GNG7: variants seen among roughly 807,000 people sequenced by gnomAD.
GNG7 encodes guanine nucleotide-binding protein G(I)/G(S)/G(O) subunit gamma-7.
GNG7 carries 1 observed loss-of-function variant against 4.0 expected under a neutral mutation model. That is an observed-to-expected ratio of 0.25 (90% CI 0.09 to 1.18). GNG7 has a LOEUF of 1.18. Ranked by LOEUF, GNG7 falls within the 50% of genes most tolerant of loss-of-function variation. The probability of loss-of-function intolerance (pLI) is 0.50; values close to 1 mark genes in which losing one functional copy is unlikely to be tolerated. For missense variants in GNG7, 86 were observed against 91.9 expected, an observed-to-expected ratio of 0.94 and a Z score of 0.26; for synonymous variants, 34 against 36.9, an observed-to-expected ratio of 0.92 and a Z score of 0.29.
intron 2 of GNG7, among the ~76,000 whole-genome samples, chr19:2,567,889 C>G: frequency 6.6e-6 from 1 of 152,158 alleles, no homozygotes; most frequent in East Asian, 1.9e-4. Context: ...CCGGGCACCA[C>G]GCGCTCAGGC....
chr19:2,581,302 G>A (rs1468956776), intron 2 of GNG7, among the ~76,000 whole-genome samples: 1 of 148,274 alleles, frequency 6.7e-6, no homozygotes, highest in Non-Finnish European at 1.5e-5. Flanking sequence ...TGATGGGGGG[G>A]GCCGCGGGGG....
intron 2 of GNG7, among the ~76,000 whole-genome samples, chr19:2,589,688 GGGTTGTACTAAGTC>G (rs1401196200): frequency 1.3e-5 from 2 of 151,978 alleles, no homozygotes; most frequent in African/African-American, 4.8e-5. Flanking sequence ...TGCGCGTAGG[GGGTTGTACTAAGTC>G]CAGGAGCATT....
chr19:2,682,354 G>A (rs1983760054), intron 1 of GNG7, among the ~76,000 whole-genome samples: 1 of 152,040 alleles, frequency 6.6e-6, no homozygotes, highest in African/African-American at 2.4e-5. Context: ...AATGCAGACA[G>A]AGCCATCTCA....
intron 2 of GNG7, among the ~76,000 whole-genome samples, chr19:2,612,104 A>C (rs556605188): frequency 1.3e-5 from 2 of 152,122 alleles, no homozygotes; most frequent in African/African-American, 4.8e-5. Context: ...CGATCTCTCA[A>C]CCTCGTGATC....
At chr19:2,530,412 C>CA (rs907508047) in intron 3 of GNG7, among the ~76,000 whole-genome samples, 20 of 137,006 alleles carry the variant, frequency 1.5e-4, no homozygotes, top group South Asian at 9.4e-4. Context: ...GACCCTGTCT[C>CA]AAAAAAAAGA....
intron 3 of GNG7, among the ~76,000 whole-genome samples, chr19:2,536,837 C>T (rs1978752418): frequency 6.6e-6 from 1 of 152,108 alleles, no homozygotes; most frequent in Non-Finnish European, 1.5e-5. Flanking sequence ...GGGAGGGGCT[C>T]TCTTGGCCTT....
intron 1 of GNG7, among the ~76,000 whole-genome samples, chr19:2,669,062 G>A (rs1007122953): frequency 5.9e-5 from 9 of 152,098 alleles, no homozygotes; most frequent in Non-Finnish European, 8.8e-5. Flanking sequence ...ACACTGAAAC[G>A]AGGTAAAGTC....
intron 2 of GNG7, among the ~76,000 whole-genome samples, chr19:2,573,499 C>T (rs1227462939): frequency 1.3e-5 from 2 of 152,204 alleles, no homozygotes; most frequent in East Asian, 1.9e-4. Flanking sequence ...GCTGCTTCTG[C>T]GCTATCTGTG....
rs528345440 is a variant in GNG7, at chr19:2,553,550, A to G, written c.-38+1599T>C. ...TTACATGTAACATCACATTACATAT[A>G]TGTAATATCACATGTAATAAATCAT... On this transcript the variant is annotated intron_variant, in intron 3 of 4. Coordinates refer to ENST00000382159, the MANE Select transcript of GNG7 (RefSeq NM_052847.3). 4.7e-5 allele frequency among the ~76,000 whole-genome samples: 7 copies of G among 148,934 alleles called. No homozygotes were observed. In the East Asian group the frequency reaches 1.2e-3, roughly 25 times the overall value.
At chr19:2,636,978 G>A (rs1982325724) in intron 2 of GNG7, among the ~76,000 whole-genome samples, 2 of 150,302 alleles carry the variant, frequency 1.3e-5, no homozygotes, top group Admixed American at 1.3e-4. Context: ...CTGCACTTCC[G>A]TCCCCACCTG....
At chr19:2,680,128 T>C (rs892696077) in intron 1 of GNG7, among the ~76,000 whole-genome samples, 1 of 149,446 alleles carries the variant, frequency 6.7e-6, no homozygotes, top group East Asian at 1.9e-4. Flanking sequence ...CTGGGCATCA[T>C]AGTAAGACCT....
At chr19:2,669,513 AC>A (rs755271090) in intron 1 of GNG7, among the ~76,000 whole-genome samples, 2 of 151,978 alleles carry the variant, frequency 1.3e-5, no homozygotes, top group African/African-American at 2.4e-5. Context: ...AAAAACAAAC[AC>A]AAACAAACAA....
intron 1 of GNG7, among the ~76,000 whole-genome samples, chr19:2,665,641 G>A (rs936323963): frequency 3.9e-5 from 6 of 152,258 alleles, no homozygotes; most frequent in South Asian, 2.1e-4. Context: ...TTCACGACTC[G>A]CTGTCTGGCT....
Position 2,609,111 on chromosome 19 carries a change from C to G in GNG7, c.-78+37113G>C, listed in dbSNP as rs1419279480. 6.6e-6 allele frequency among the ~76,000 whole-genome samples: 1 copy of G among 152,120 alleles called. No homozygotes were observed. The highest frequency in any genetic ancestry group is 2.4e-5 in the African/African-American group (1 of 41,410). On this transcript the variant is annotated intron_variant, in intron 2 of 4. Coordinates refer to ENST00000382159, the MANE Select transcript of GNG7 (RefSeq NM_052847.3). This position sits in a 1 kb window ranked among gnomAD's most constrained non-coding sequence, Gnocchi z 4.4. ...GTGCGATCTTGGCTCACCGCAACCT[C>G]TGCCTCTCAGGTTCAAGCAATCCTC...
At chr19:2,606,364 T>C (rs1046219365) in intron 2 of GNG7, among the ~76,000 whole-genome samples, 43 of 151,512 alleles carry the variant, frequency 2.8e-4, no homozygotes, top group African/African-American at 9.4e-4. Flanking sequence ...AAAGTTAGAC[T>C]CTGTTTCTGG....
chr19:2,593,572 C>T (rs916145855), intron 2 of GNG7, among the ~76,000 whole-genome samples: 4 of 151,784 alleles, frequency 2.6e-5, no homozygotes, highest in East Asian at 1.9e-4. Flanking sequence ...GGCGAAACCT[C>T]GTCTCTACTA....
At position 2,511,441 on chromosome 19, in the gene GNG7, A is replaced by T. The variant is rs912927482; in HGVS notation, c.*3581T>A. ...AGGTCTTTACGAAGGTTAGATGGGC[A>T]GCGGTTCCGTGGACAGAGGAGGAGG... On this transcript the variant is annotated 3_prime_UTR_variant, in exon 5 of 5. Coordinates refer to ENST00000382159, the MANE Select transcript of GNG7 (RefSeq NM_052847.3). The surrounding 1 kb of genome is among the most constrained non-coding windows in gnomAD (Gnocchi z 6.3). The T allele has an allele frequency of 1.3e-5, 2 of 152,460 alleles. No individual in the cohort carries two copies. Among genetic ancestry groups the T allele is most frequent in the African/African-American group, 4.8e-5 (2 of 41,490 alleles). The allele number at this position is 152,460 out of a possible 1,614,324, so 9.4% of individuals were successfully genotyped here. A position where few individuals can be genotyped will look rare whatever the true frequency, so the allele number is the denominator to read the frequency against.
chr19:2,652,045 G>GGC (rs1982844506), intron 1 of GNG7, among the ~76,000 whole-genome samples: 1 of 151,840 alleles, frequency 6.6e-6, no homozygotes, highest in South Asian at 2.1e-4. Context: ...TCTGGTGGCA[G>GGC]GCGCCTGTAA....
At chr19:2,590,426 T>C (rs1044404323) in intron 2 of GNG7, among the ~76,000 whole-genome samples, 1 of 150,140 alleles carries the variant, frequency 6.7e-6, no homozygotes, top group African/African-American at 2.4e-5. Context: ...TATGTCTCTA[T>C]ATCTATTCAT....
Sources: gnomAD v4.1 joint callset for allele counts (sites outside exome capture counted in the v4.1 genomes callset) on GRCh38, gnomAD v4.1.1 for gene constraint, Gnocchi (gnomAD v3.1) non-coding constraint, MANE v1.5 for transcripts, NCBI Gene and HGNC (gene_info 2026-07-23, HGNC 2026-07-21) for gene names.